PCDH15: variants seen among roughly 807,000 people sequenced by gnomAD.
PCDH15 encodes the protein protocadherin-15.
Under a neutral mutation model 178.5 loss-of-function variants are expected in PCDH15, and 129 were observed. The observed-to-expected ratio is 0.72, with a 90% confidence interval of 0.63 to 0.84. The LOEUF (loss-of-function observed/expected upper bound fraction) is 0.84. PCDH15 is among the 40% of genes least tolerant of loss of function. The pLI is 0.00. For synonymous variants in PCDH15, 800 were observed against 732.0 expected (o/e 1.09, Z -1.50); for missense variants, 2,230 against 2,099.9 (o/e 1.06, Z -1.21).
chr10:54,274,294 AAATG>A (rs1443214145), intron 8 of PCDH15, among the ~76,000 whole-genome samples: 1 of 152,070 alleles, frequency 6.6e-6, no homozygotes, highest in Non-Finnish European at 1.5e-5. Flanking sequence ...TAAAAGTTAA[AAATG>A]AATGAAGCCT....
At chr10:54,511,585 T>C (rs1195153450) in intron 3 of PCDH15, among the ~76,000 whole-genome samples, 1 of 152,196 alleles carries the variant, frequency 6.6e-6, no homozygotes. Context: ...TCAGTTTATG[T>C]GATATATCAT....
intron 1 of PCDH15, among the ~76,000 whole-genome samples, chr10:55,227,934 C>G (rs1197530192): frequency 6.6e-6 from 1 of 152,072 alleles, no homozygotes; most frequent in Non-Finnish European, 1.5e-5. Flanking sequence ...ACAGCCCCCC[C>G]ATCCCCAACT....
intron 19 of PCDH15, 85 bp from the exon 20 acceptor site, chr10:54,020,501 T>C (rs2092884568): frequency 8.0e-7 from 1 of 1,252,898 alleles, no homozygotes; most frequent in Non-Finnish European, 1.2e-6. Context: ...CGTTAGTGCC[T>C]AGGACAGCAT....
chr10:54,333,833 T>C (rs535537393), intron 6 of PCDH15, among the ~76,000 whole-genome samples: 14 of 152,294 alleles, frequency 9.2e-5, no homozygotes, highest in African/African-American at 3.1e-4. Flanking sequence ...GAAACCACTG[T>C]ACTACGTAAG....
chr10:55,305,721 G>C (rs1242668468), intron 1 of PCDH15, among the ~76,000 whole-genome samples: 1 of 152,126 alleles, frequency 6.6e-6, no homozygotes, highest in African/African-American at 2.4e-5. Flanking sequence ...GCTTCACTGA[G>C]AATGTCAATT....
At chr10:54,747,884 C>T (rs1945675609) in intron 1 of PCDH15, among the ~76,000 whole-genome samples, 2 of 149,912 alleles carry the variant, frequency 1.3e-5, no homozygotes, top group African/African-American at 4.9e-5. Context: ...CCGCTCACTG[C>T]AAGCTCCGCC....
chr10:54,129,682 C>T (rs12266947), intron 15 of PCDH15, among the ~76,000 whole-genome samples: 17 of 152,172 alleles, frequency 1.1e-4, no homozygotes, highest in African/African-American at 3.6e-4. Flanking sequence ...AGCTCCCTGG[C>T]GGTAAACAGG....
chr10:55,520,117 A>G (rs893032480), intron 2 of PCDH15, among the ~76,000 whole-genome samples: 5 of 131,140 alleles, frequency 3.8e-5, no homozygotes, highest in South Asian at 2.4e-4. Flanking sequence ...CGCAATGTGT[A>G]TATATATATA....
At chr10:55,159,647 G>C (rs1310698308) in intron 2 of PCDH15, among the ~76,000 whole-genome samples, 5 of 147,196 alleles carry the variant, frequency 3.4e-5, no homozygotes, top group Admixed American at 1.4e-4. Flanking sequence ...TATATATAAA[G>C]AGATAAAGAG....
chr10:53,913,263 T>A (rs2083255030), intron 25 of PCDH15, among the ~76,000 whole-genome samples: 1 of 152,140 alleles, frequency 6.6e-6, no homozygotes, highest in Non-Finnish European at 1.5e-5. Context: ...ACTGGATCCC[T>A]TCCTTATATC....
chr10:53,848,723 T>C (rs1226354062), intron 28 of PCDH15, among the ~76,000 whole-genome samples: 1 of 152,012 alleles, frequency 6.6e-6, no homozygotes, highest in East Asian at 1.9e-4. Context: ...CTTTAAAATT[T>C]TGAAGCACAA....
intron 2 of PCDH15, among the ~76,000 whole-genome samples, chr10:55,150,144 G>A (rs537868101): frequency 2.0e-5 from 3 of 151,848 alleles, no homozygotes; most frequent in Non-Finnish European, 4.4e-5. Context: ...AAGAGAAGAG[G>A]AGAGAAAATG....
chr10:55,138,944 T>A (rs1838276226), intron 2 of PCDH15, among the ~76,000 whole-genome samples: 1 of 152,130 alleles, frequency 6.6e-6, no homozygotes, highest in African/African-American at 2.4e-5. Context: ...TATTAGTAAT[T>A]TGTTACTATT....
At chr10:55,126,186 C>T (rs1837896324) in intron 2 of PCDH15, among the ~76,000 whole-genome samples, 2 of 152,032 alleles carry the variant, frequency 1.3e-5, no homozygotes, top group African/African-American at 4.8e-5. Flanking sequence ...TCCTGCTCTG[C>T]TTCTTCTCTC....
intron 2 of PCDH15, among the ~76,000 whole-genome samples, chr10:54,939,368 C>G (rs1003516154): frequency 2.0e-5 from 3 of 150,554 alleles, no homozygotes; most frequent in Non-Finnish European, 4.4e-5. Flanking sequence ...GGTGGCGGGC[C>G]CCTGTAGTCC....
At chr10:54,847,526 A>G (rs12251585) in intron 3 of PCDH15, among the ~76,000 whole-genome samples, 2,763 of 152,164 alleles carry the variant, frequency 0.018, 64 homozygotes, top group African/African-American at 0.062. Flanking sequence ...CACATATTCC[A>G]CCTAGAATCT....
In PCDH15 at chr10:54,714,889, A is replaced by G. The variant is rs146092118; in HGVS notation, c.-28-50599T>C. Among the ~76,000 whole-genome samples, 1,319 of 152,290 alleles carry G rather than the reference A, an allele frequency of 8.7e-3. 14 individuals are homozygous for G. The highest frequency in any genetic ancestry group is 0.029 in the African/African-American group (1,221 of 41,570). On this transcript the variant is annotated intron_variant, in intron 1 of 37. Coordinates refer to ENST00000644397, the MANE Select transcript of PCDH15 (RefSeq NM_001384140.1). ...CTATCTTTGTGGTATAAACAAATAT[A>G]TTCAAGTGTGAAAAATTTTAACATC...
intron 25 of PCDH15, among the ~76,000 whole-genome samples, chr10:53,912,616 T>C (rs986208073): frequency 6.6e-6 from 1 of 152,154 alleles, no homozygotes; most frequent in African/African-American, 2.4e-5. Context: ...ACAAAATCAA[T>C]GTGCAAAAAT....
intron 3 of PCDH15, among the ~76,000 whole-genome samples, chr10:54,833,307 T>G (rs1040485736): frequency 6.6e-6 from 1 of 152,180 alleles, no homozygotes. Context: ...GTCCATTTGT[T>G]TAGTTAAACA....
Sources: gnomAD v4.1 joint callset for allele counts (sites outside exome capture counted in the v4.1 genomes callset) on GRCh38, gnomAD v4.1.1 for gene constraint, MANE v1.5 for transcripts, NCBI Gene and HGNC (gene_info 2026-07-23, HGNC 2026-07-21) for gene names.